Variants in CNTNAP5 observed in about 807,000 individuals in gnomAD.
CNTNAP5 encodes the protein contactin-associated protein-like 5.
CNTNAP5 carries 72 observed loss-of-function variants against 150.2 expected under a neutral mutation model. The ratio of observed to expected loss-of-function variants is 0.48; its 90% CI spans 0.40 to 0.58. The LOEUF (loss-of-function observed/expected upper bound fraction) is 0.58. Ranked by LOEUF, CNTNAP5 falls within the 20% of genes least tolerant of loss-of-function variation. CNTNAP5 has a pLI of 0.00. For missense variants in CNTNAP5, 1,636 were observed against 1,626.2 expected (o/e 1.01, Z -0.10); for synonymous variants, 672 against 619.8 (o/e 1.08, Z -1.25).
At chr2:124,830,984 A>T (rs1682704244) in intron 19 of CNTNAP5, among the ~76,000 whole-genome samples, 1 of 152,110 alleles carries the variant, frequency 6.6e-6, no homozygotes, top group Admixed American at 6.6e-5. Context: ...ATTAAAAATC[A>T]AAACCTCTTG....
chr2:124,465,378 A>G (rs912821040), intron 6 of CNTNAP5, among the ~76,000 whole-genome samples: 1 of 145,710 alleles, frequency 6.9e-6, no homozygotes, highest in African/African-American at 2.7e-5. Flanking sequence ...GATCAATGAA[A>G]GGCACACCAT....
At chr2:124,261,491 A>G (rs1439631990) in intron 3 of CNTNAP5, among the ~76,000 whole-genome samples, 1 of 152,182 alleles carries the variant, frequency 6.6e-6, no homozygotes. Flanking sequence ...ATAACGATTG[A>G]TGATAAGAAG....
chr2:124,433,991 A>G (rs1047325439), intron 4 of CNTNAP5, among the ~76,000 whole-genome samples: 8 of 152,198 alleles, frequency 5.3e-5, no homozygotes, highest in South Asian at 4.1e-4. Flanking sequence ...CACTGAACCC[A>G]GTAGAAGCCT....
At chr2:124,582,370 G>C (rs1181283627) in intron 11 of CNTNAP5, among the ~76,000 whole-genome samples, 1 of 152,106 alleles carries the variant, frequency 6.6e-6, no homozygotes, top group African/African-American at 2.4e-5. Context: ...CCTGTCAATT[G>C]TCTGTTTATA....
intron 1 of CNTNAP5, among the ~76,000 whole-genome samples, chr2:124,073,224 G>T (rs1458176974): frequency 1.3e-5 from 2 of 151,914 alleles, no homozygotes; most frequent in African/African-American, 2.4e-5. Flanking sequence ...ATGAATTAAA[G>T]CCTTAACTTA....
intron 1 of CNTNAP5, among the ~76,000 whole-genome samples, chr2:124,128,291 G>T (rs893109123): frequency 2.0e-5 from 3 of 152,108 alleles, no homozygotes; most frequent in African/African-American, 4.8e-5. Flanking sequence ...CATTTATGCA[G>T]CCAACAGACA....
chr2:124,875,955 C>T (rs1159285210), intron 21 of CNTNAP5, among the ~76,000 whole-genome samples: 4 of 152,066 alleles, frequency 2.6e-5, no homozygotes, highest in South Asian at 2.1e-4. Flanking sequence ...GTAAGATCTG[C>T]TTCAGGTACA....
chr2:124,300,521 A>G (rs567855257), intron 3 of CNTNAP5, among the ~76,000 whole-genome samples: 1 of 152,256 alleles, frequency 6.6e-6, no homozygotes, highest in South Asian at 2.1e-4. Flanking sequence ...GCTGGGAGGA[A>G]GAAGAGCGTA....
intron 1 of CNTNAP5, among the ~76,000 whole-genome samples, chr2:124,058,194 T>C (rs1681907954): frequency 6.6e-6 from 1 of 152,138 alleles, no homozygotes; most frequent in Non-Finnish European, 1.5e-5. Context: ...GGTTGGATCA[T>C]GCTTAAGCAC....
intron 3 of CNTNAP5, among the ~76,000 whole-genome samples, chr2:124,385,212 G>T (rs1690897884): frequency 6.6e-6 from 1 of 152,188 alleles, no homozygotes; most frequent in South Asian, 2.1e-4. Context: ...AGACATTGGT[G>T]GGTAAGGATG....
intron 12 of CNTNAP5, among the ~76,000 whole-genome samples, chr2:124,626,866 C>T (rs533853943): frequency 9.2e-5 from 14 of 152,216 alleles, no homozygotes; most frequent in African/African-American, 2.2e-4. Flanking sequence ...ACTGAGTTCC[C>T]GGTGGGAGGA....
chr2:124,562,993 C>A (rs1695929109), intron 10 of CNTNAP5, among the ~76,000 whole-genome samples: 1 of 152,178 alleles, frequency 6.6e-6, no homozygotes. Flanking sequence ...CTTACATCAG[C>A]TTTGCGACTT....
At chr2:124,793,783 C>T (rs961938391) in intron 18 of CNTNAP5, among the ~76,000 whole-genome samples, 1 of 152,088 alleles carries the variant, frequency 6.6e-6, no homozygotes. Context: ...TTGTTGTTAG[C>T]TCTCTTATCC....
In CNTNAP5 at chr2:124,623,507, C is replaced by T. The variant is rs563155527; in HGVS notation, c.1876+13587C>T. On this transcript the variant is annotated intron_variant, in intron 12 of 23. Transcript: ENST00000682447. ...TTATTGTCTAATTACTTTGTGGGGA[C>T]ATGAGTAAAACCCTCCATCTTTATA... Among the ~76,000 whole-genome samples, 3 of 152,288 alleles carry T rather than the reference C, an allele frequency of 2.0e-5. 1 individual carries two copies. The highest frequency in any genetic ancestry group is 1.9e-4 in the East Asian group (1 of 5,180).
chr2:124,571,159 T>C (rs1162262717), intron 11 of CNTNAP5, among the ~76,000 whole-genome samples: 4 of 152,210 alleles, frequency 2.6e-5, no homozygotes, highest in African/African-American at 9.6e-5. Context: ...GGAGATTTAG[T>C]AGTTGGACTT....
intron 1 of CNTNAP5, among the ~76,000 whole-genome samples, chr2:124,155,395 T>C (rs1477864687): frequency 6.6e-6 from 1 of 152,110 alleles, no homozygotes; most frequent in Non-Finnish European, 1.5e-5. Context: ...CCGTGGTCTG[T>C]GTCTGCAGTT....
At chr2:124,506,401 T>C (rs1694408570) in intron 8 of CNTNAP5, among the ~76,000 whole-genome samples, 1 of 152,160 alleles carries the variant, frequency 6.6e-6, no homozygotes, top group African/African-American at 2.4e-5. Context: ...GAAGGGTGTG[T>C]GACTGAAGTT....
intron 3 of CNTNAP5, among the ~76,000 whole-genome samples, chr2:124,363,719 C>A (rs1690284190): frequency 6.6e-6 from 1 of 152,090 alleles, no homozygotes; most frequent in South Asian, 2.1e-4. Context: ...CACATACACA[C>A]AAAAGGGGCA....
chr2:124,612,756 G>A (rs1042463131), intron 12 of CNTNAP5, among the ~76,000 whole-genome samples: 2 of 152,030 alleles, frequency 1.3e-5, no homozygotes, highest in African/African-American at 2.4e-5. Flanking sequence ...TAAAATACCT[G>A]CAAAAATAAA....
Sources: gnomAD v4.1 joint callset for allele counts (sites outside exome capture counted in the v4.1 genomes callset) on GRCh38, gnomAD v4.1.1 for gene constraint, MANE v1.5 for transcripts, NCBI Gene and HGNC (gene_info 2026-07-23, HGNC 2026-07-21) for gene names.